Variants in RALGAPA2 observed in about 807,000 individuals in gnomAD.
The protein encoded by RALGAPA2 is ral GTPase-activating protein subunit alpha-2.
In RALGAPA2, 139 loss-of-function variants were observed where a neutral mutation model predicts 230.4. The ratio of observed to expected loss-of-function variants is 0.60; its 90% CI spans 0.53 to 0.69. The LOEUF (loss-of-function observed/expected upper bound fraction) is 0.69, where lower values mean the gene tolerates loss of function less well. Ranked by LOEUF, RALGAPA2 falls within the 30% of genes least tolerant of loss-of-function variation. The pLI, the probability that RALGAPA2 is intolerant of heterozygous loss-of-function variation, is 0.00. For synonymous variants in RALGAPA2, 847 were observed against 837.8 expected (o/e 1.01, Z -0.19); for missense variants, 2,163 against 2,276.0 (o/e 0.95, Z 1.01).
intron 39 of RALGAPA2, among the ~76,000 whole-genome samples, chr20:20,394,889 C>CAAAAAA (rs10673778): frequency 5.6e-4 from 25 of 44,604 alleles, no homozygotes; most frequent in South Asian, 3.6e-3. Context: ...AATAAATAAG[C>CAAAAAA]AAAAAAAAAA....
Position 20,562,655 on chromosome 20 carries a change from G to T in RALGAPA2, c.3156+8803C>A, listed in dbSNP as rs1454123215. On this transcript the variant is annotated intron_variant, in intron 23 of 39. Coordinates refer to ENST00000202677, the MANE Select transcript of RALGAPA2 (RefSeq NM_020343.4). Reference sequence around the variant, plus strand: ...TGTCAGGTAGATTTTCTTCTCTCTGGATCAGCCTCCATGCTATCATCTTAC... The same window carrying T: ...TGTCAGGTAGATTTTCTTCTCTCTGTATCAGCCTCCATGCTATCATCTTAC... 2.0e-5 allele frequency among the ~76,000 whole-genome samples: 3 copies of T among 152,036 alleles called. No individual in the cohort carries two copies. In the East Asian group the frequency reaches 5.8e-4, roughly 29 times the overall value.
chr20:20,694,179 C>A (rs2069021615), intron 1 of RALGAPA2, among the ~76,000 whole-genome samples: 1 of 151,588 alleles, frequency 6.6e-6, no homozygotes, highest in Non-Finnish European at 1.5e-5. Context: ...TTAAGGGAAG[C>A]ATGCCTGGAA....
chr20:20,524,610 G>C, intron 29 of RALGAPA2, 67 bp from the exon 30 acceptor site: 27 of 1,584,264 alleles, frequency 1.7e-5, no homozygotes, highest in Non-Finnish European at 2.2e-5. Flanking sequence ...GTAATAATAA[G>C]AGAATTATCC....
At chr20:20,601,910 T>C in intron 15 of RALGAPA2, 64 bp from the exon 16 acceptor site, 1 of 1,394,772 alleles carries the variant, frequency 7.2e-7, no homozygotes, top group Non-Finnish European at 9.6e-7. Flanking sequence ...CACGCTTGTG[T>C]TGCTCAGCAA....
chr20:20,621,760 C>T (rs146083806), intron 10 of RALGAPA2, among the ~76,000 whole-genome samples: 23 of 152,282 alleles, frequency 1.5e-4, no homozygotes, highest in South Asian at 1.0e-3. Context: ...ATTTGCTTTT[C>T]GCTTATCAGT....
At chr20:20,676,737 A>G (rs2068336424) in intron 2 of RALGAPA2, among the ~76,000 whole-genome samples, 1 of 152,182 alleles carries the variant, frequency 6.6e-6, no homozygotes, top group Admixed American at 6.5e-5. Context: ...AATAAAACCT[A>G]CAACACCTGC....
In RALGAPA2 at chr20:20,521,116, C is replaced by T. The variant is rs1171766760; in HGVS notation, c.3901-16G>A. On this transcript the variant is annotated splice_polypyrimidine_tract_variant and intron_variant, in intron 30 of 39. Coordinates refer to ENST00000202677, the MANE Select transcript of RALGAPA2 (RefSeq NM_020343.4). ...AGTGCAAAACCTGTGAAAACAGAGG[C>T]CATGTGCACCACGGATGCTACTCAC... 7.0e-6 allele frequency: 11 copies of T among 1,578,368 alleles called. No individual in the cohort carries two copies. Among genetic ancestry groups the T allele is most frequent in the African/African-American group, 2.7e-5 (2 of 74,196 alleles).
At chr20:20,538,269 G>GA (rs1398441874) in intron 24 of RALGAPA2, among the ~76,000 whole-genome samples, 10 of 152,170 alleles carry the variant, frequency 6.6e-5, no homozygotes, top group African/African-American at 2.4e-4. Context: ...ATGAGGCAAG[G>GA]ATTGGTTCTG....
intron 35 of RALGAPA2, among the ~76,000 whole-genome samples, chr20:20,498,509 G>A (rs1181035534): frequency 6.6e-6 from 1 of 152,088 alleles, no homozygotes; most frequent in African/African-American, 2.4e-5. Flanking sequence ...CTCCTTTCTC[G>A]ACTAATTGCA....
chr20:20,568,594 T>C (rs989171088), intron 23 of RALGAPA2, among the ~76,000 whole-genome samples: 1 of 152,256 alleles, frequency 6.6e-6, no homozygotes, highest in Non-Finnish European at 1.5e-5. Flanking sequence ...TGTCTTCAAT[T>C]ACTATGAACA....
In RALGAPA2 at chr20:20,615,540, A is replaced by C. The variant is rs145765639; in HGVS notation, c.1688+503T>G. On this transcript the variant is annotated intron_variant, in intron 13 of 39. Transcript: ENST00000202677. ...AGGGACATTATAAATAAAAACATCA[A>C]ACAAAAACAAAGATGAAAAGGAAAA... 3.1e-4 allele frequency among the ~76,000 whole-genome samples: 47 copies of C among 152,348 alleles called. 1 individual carries two copies. The East Asian group carries it at 9.1e-3, about 29-fold the overall frequency.
At chr20:20,394,101 C>T (rs1045468694) in intron 39 of RALGAPA2, among the ~76,000 whole-genome samples, 1 of 152,220 alleles carries the variant, frequency 6.6e-6, no homozygotes, top group African/African-American at 2.4e-5. Context: ...ACTTGCAGGG[C>T]TTTGGCCTTT....
At chr20:20,473,678 G>A (rs2061587801) in intron 36 of RALGAPA2, among the ~76,000 whole-genome samples, 1 of 152,068 alleles carries the variant, frequency 6.6e-6, no homozygotes, top group South Asian at 2.1e-4. Context: ...TTTCTTAGCT[G>A]AACCCATTTC....
chr20:20,674,211 A>ATAATAATAG (rs1555819931), intron 3 of RALGAPA2, among the ~76,000 whole-genome samples: 1 of 150,298 alleles, frequency 6.7e-6, no homozygotes, highest in Non-Finnish European at 1.5e-5. Flanking sequence ...AATAATAATA[A>ATAATAATAG]TAATAGTAAT....
At chr20:20,677,629 A>T (rs73296930) in intron 2 of RALGAPA2, among the ~76,000 whole-genome samples, 5,713 of 64,032 alleles carry the variant, frequency 0.089, 217 homozygotes, top group East Asian at 0.17. Context: ...GATTTGACCC[A>T]TTTTTTTTTT....
chr20:20,448,664 A>G (rs2123135268), intron 37 of RALGAPA2, among the ~76,000 whole-genome samples: 1 of 152,354 alleles, frequency 6.6e-6, no homozygotes, highest in South Asian at 2.1e-4. Flanking sequence ...GAAAACAGAA[A>G]TAGCATTTTT....
chr20:20,503,875 A>T (rs573996974), intron 34 of RALGAPA2, among the ~76,000 whole-genome samples: 1 of 152,324 alleles, frequency 6.6e-6, no homozygotes, highest in African/African-American at 2.4e-5. Flanking sequence ...CAGAAAGCAC[A>T]CTCAAAGGAG....
chr20:20,399,308 C>T (rs1043631974), intron 38 of RALGAPA2, among the ~76,000 whole-genome samples: 1 of 139,726 alleles, frequency 7.2e-6, no homozygotes, highest in Admixed American at 7.6e-5. Flanking sequence ...CATGCCATTG[C>T]ACTACATCCT....
chr20:20,515,956 G>T lies in RALGAPA2; in HGVS notation c.4085-2672C>A, dbSNP rs146240905. 3.6e-3 allele frequency among the ~76,000 whole-genome samples: 546 copies of T among 152,300 alleles called. 2 individuals carry two copies. Among genetic ancestry groups the T allele is most frequent in the Middle Eastern group, 6.8e-3 (2 of 294 alleles). ...AGCTTATGGCCTGCGGCAGATCTGG[G>T]TTCTGCGTGCAGACTGCCTGGATCT... On this transcript the variant is annotated intron_variant, in intron 31 of 39. Transcript: ENST00000202677.
Sources: allele counts gnomAD v4.1 joint callset (sites outside exome capture counted in the v4.1 genomes callset), GRCh38; gene constraint gnomAD v4.1.1; transcripts MANE v1.5; gene names NCBI Gene and HGNC (gene_info 2026-07-23, HGNC 2026-07-21).